PCLO: variants seen among roughly 807,000 people sequenced by gnomAD.
The protein encoded by PCLO is piccolo presynaptic cytomatrix protein.
Under a neutral mutation model 427.5 loss-of-function variants are expected in PCLO, and 82 were observed. The observed-to-expected ratio is 0.19, with a 90% confidence interval of 0.16 to 0.23. The LOEUF is 0.23. Among genes scored for constraint, PCLO ranks in the 10% least tolerant of loss-of-function variants. PCLO has a pLI of 1.00. For synonymous variants in PCLO, 2,357 were observed against 2,155.4 expected, an observed-to-expected ratio of 1.09 and a Z score of -2.59; for missense variants, 6,239 against 6,115.9, an observed-to-expected ratio of 1.02 and a Z score of -0.67.
chr7:83,056,790 G>T (rs1789389548), intron 3 of PCLO, among the ~76,000 whole-genome samples: 1 of 152,080 alleles, frequency 6.6e-6, no homozygotes, highest in African/African-American at 2.4e-5. Flanking sequence ...CAAAAAGACA[G>T]AATTCTTGAT....
intron 6 of PCLO, among the ~76,000 whole-genome samples, chr7:82,920,130 A>T (rs190166035): frequency 3.3e-5 from 5 of 151,856 alleles, no homozygotes; most frequent in East Asian, 3.9e-4. Context: ...ATTCTAATTT[A>T]AAAAAACCTC....
intron 3 of PCLO, among the ~76,000 whole-genome samples, chr7:83,011,350 G>A (rs1284447261): frequency 6.6e-6 from 1 of 151,768 alleles, no homozygotes; most frequent in Non-Finnish European, 1.5e-5. Context: ...AACATTTTAT[G>A]TGATTACTTT....
intron 20 of PCLO, among the ~76,000 whole-genome samples, chr7:82,816,135 C>T (rs990514701): frequency 3.3e-5 from 5 of 152,036 alleles, no homozygotes; most frequent in South Asian, 2.1e-4. Flanking sequence ...CCCATACCCA[C>T]GTTTCTTCCC....
chr7:82,831,414 C>T (rs914149605), intron 16 of PCLO, among the ~76,000 whole-genome samples: 1 of 151,902 alleles, frequency 6.6e-6, no homozygotes, highest in African/African-American at 2.4e-5. Flanking sequence ...CTAAAATTCT[C>T]CATCTCAATT....
chr7:83,024,137 G>A (rs2116079136), intron 3 of PCLO, among the ~76,000 whole-genome samples: 1 of 152,300 alleles, frequency 6.6e-6, no homozygotes, highest in Non-Finnish European at 1.5e-5. Flanking sequence ...CCGGTCTACA[G>A]CTCCCAGCGT....
In PCLO at chr7:82,822,519, C is replaced by T. The variant is rs771450435; in HGVS notation, c.14767G>A (p.Val4923Met). 1.2e-5 allele frequency: 19 copies of T among 1,613,706 alleles called. No homozygotes were observed. The highest frequency in any genetic ancestry group is 6.7e-5 in the African/African-American group (5 of 74,884). The change falls in exon 20 of 25, where the codon GTG (valine) becomes ATG (methionine). Residue 4923 changes from valine to methionine, a missense_variant. By Grantham distance (21) the Val-to-Met change is conservative. Transcript: ENST00000333891. ...CTTGGTTGAATGCGGAGTTGTTGCA[C>T]GGCAGCTTCGGCAGCAGCTATGGCA... ...GAAIAAAEAA[V>M]QQLRIQPTKP...
intron 3 of PCLO, among the ~76,000 whole-genome samples, chr7:83,046,458 G>A (rs1369270206): frequency 6.6e-6 from 1 of 151,976 alleles, no homozygotes; most frequent in African/African-American, 2.4e-5. Flanking sequence ...ATCTCTCAGG[G>A]AATGGTAAGA....
At chr7:82,855,133 C>A (rs1415470193) in intron 10 of PCLO, among the ~76,000 whole-genome samples, 1 of 152,002 alleles carries the variant, frequency 6.6e-6, no homozygotes, top group Non-Finnish European at 1.5e-5. Flanking sequence ...ACTTATATCA[C>A]AGTATTAATA....
At chr7:82,895,986 A>G (rs1012339600) in intron 9 of PCLO, among the ~76,000 whole-genome samples, 2 of 151,912 alleles carry the variant, frequency 1.3e-5, no homozygotes, top group African/African-American at 4.8e-5. Context: ...TTACTCAAAG[A>G]TATCACAAGA....
At chr7:82,849,139 A>C (rs2115832542) in intron 10 of PCLO, among the ~76,000 whole-genome samples, 1 of 152,318 alleles carries the variant, frequency 6.6e-6, no homozygotes, top group East Asian at 1.9e-4. Context: ...TATGAAAAGG[A>C]ATAGTCACAT....
intron 22 of PCLO, among the ~76,000 whole-genome samples, chr7:82,796,765 T>C (rs940969415): frequency 1.3e-5 from 2 of 149,098 alleles, no homozygotes; most frequent in African/African-American, 5.0e-5. Context: ...TGTACACACC[T>C]GGTTCAGCAA....
chr7:82,927,576 G>T (rs1187659929), intron 6 of PCLO, among the ~76,000 whole-genome samples: 1 of 152,102 alleles, frequency 6.6e-6, no homozygotes, highest in Non-Finnish European at 1.5e-5. Flanking sequence ...TGATTATACG[G>T]CATCCAAATG....
chr7:83,123,956 CA>C (rs71074625), intron 3 of PCLO, among the ~76,000 whole-genome samples: 13,784 of 28,232 alleles, frequency 0.49, 1,414 homozygotes, highest in Middle Eastern at 0.64. Context: ...AACTCTGTCT[CA>C]AAAAAAAAAA....
rs138746126 is a variant in PCLO at position 82,825,376 on chromosome 7, G to A, written c.14416-960C>T. ...CATAATACTAATCTAGAGTACTCCT[G>A]CCTAGGATCAAGATTAGTCCAAGTG... On this transcript the variant is annotated intron_variant, in intron 18 of 24. Coordinates refer to ENST00000333891, the MANE Select transcript of PCLO (RefSeq NM_033026.6). Among the ~76,000 whole-genome samples, 694 of 152,068 alleles carry A rather than the reference G, an allele frequency of 4.6e-3. 9 individuals are homozygous for A. Among genetic ancestry groups the A allele is most frequent in the African/African-American group, 0.016 (672 of 41,496 alleles).
intron 1 of PCLO, among the ~76,000 whole-genome samples, chr7:83,162,000 C>T (rs1792450129): frequency 6.6e-6 from 1 of 152,232 alleles, no homozygotes; most frequent in Non-Finnish European, 1.5e-5. Context: ...CATTTCCTAA[C>T]ACGTCCGTGT....
chr7:82,772,643 T>C (rs763425278), intron 22 of PCLO, among the ~76,000 whole-genome samples: 21 of 152,186 alleles, frequency 1.4e-4, no homozygotes, highest in Non-Finnish European at 1.9e-4. Context: ...CTCTCTGTAT[T>C]CTGTTATATA....
intron 20 of PCLO, among the ~76,000 whole-genome samples, chr7:82,816,860 T>C (rs1373389509): frequency 6.6e-6 from 1 of 152,094 alleles, no homozygotes; most frequent in Non-Finnish European, 1.5e-5. Flanking sequence ...GAAGTACCCA[T>C]TGATGGTAGG....
chr7:82,808,191 T>C (rs1791495828), intron 20 of PCLO, among the ~76,000 whole-genome samples: 1 of 151,908 alleles, frequency 6.6e-6, no homozygotes, highest in African/African-American at 2.4e-5. Flanking sequence ...ATTTCATCAA[T>C]TGGAAAATCA....
intron 3 of PCLO, among the ~76,000 whole-genome samples, chr7:82,967,711 G>A (rs927352071): frequency 2.6e-5 from 4 of 152,116 alleles, no homozygotes; most frequent in South Asian, 2.1e-4. Flanking sequence ...GATCACCTAG[G>A]AGACAAATTA....
Sources: allele counts gnomAD v4.1 joint callset (sites outside exome capture counted in the v4.1 genomes callset), GRCh38; gene constraint gnomAD v4.1.1; transcripts MANE v1.5; gene names NCBI Gene and HGNC (gene_info 2026-07-23, HGNC 2026-07-21).